The following DOCK5 variants were observed in gnomAD, a reference collection of about 807,000 sequenced individuals.
The protein encoded by DOCK5 is dedicator of cytokinesis protein 5.
A neutral mutation model predicts 251.8 loss-of-function variants in DOCK5; 142 were observed. That is an observed-to-expected ratio of 0.56 (90% confidence interval 0.49 to 0.65). The LOEUF is 0.65. Ranked by LOEUF, DOCK5 falls within the 30% of genes least tolerant of loss-of-function variation. The pLI, the probability that DOCK5 is intolerant of heterozygous loss-of-function variation, is 0.00. For synonymous variants in DOCK5, 842 were observed against 835.5 expected, an observed-to-expected ratio of 1.01 and a Z score of -0.13; for missense variants, 2,111 against 2,312.3, an observed-to-expected ratio of 0.91 and a Z score of 1.79.
chr8:25,200,982 C>G (rs1801867251), intron 1 of DOCK5, among the ~76,000 whole-genome samples: 1 of 152,196 alleles, frequency 6.6e-6, no homozygotes, highest in Non-Finnish European at 1.5e-5. Flanking sequence ...TCTCGGCTCA[C>G]TGCAACCTCC....
chr8:25,189,626 G>A (rs1036890141), intron 1 of DOCK5, among the ~76,000 whole-genome samples: 1 of 152,126 alleles, frequency 6.6e-6, no homozygotes, highest in Admixed American at 6.5e-5. Flanking sequence ...CTCCCAAAGT[G>A]CTGGGATTAC....
intron 48 of DOCK5, among the ~76,000 whole-genome samples, chr8:25,405,494 A>T (rs928100415): frequency 9.2e-5 from 14 of 151,762 alleles, no homozygotes; most frequent in Admixed American, 8.5e-4. Context: ...GTCTGTGGAC[A>T]TTTTTTTTCT....
chr8:25,301,477 T>C (rs965069693), intron 9 of DOCK5, among the ~76,000 whole-genome samples: 6 of 152,228 alleles, frequency 3.9e-5, no homozygotes, highest in African/African-American at 1.4e-4. Context: ...AGCTGTTTCA[T>C]ATAACCAATT....
chr8:25,308,845 A>C lies in DOCK5; in HGVS notation c.1112A>C (p.His371Pro). 6.2e-7 allele frequency: 1 copy of C among 1,613,916 alleles called. No homozygotes were observed. Residue 371 changes from histidine to proline, a missense_variant, in exon 12 of 52, where the codon CAC becomes CCC. Transcript: ENST00000276440. ...ATCATGTCGCCTTTGATAACATCAC[A>C]CGTGATTGGGGAGAATGAGCCACTC... ...QLIMSPLITS[H>P]VIGENEPLTS... is the part of the protein sequence containing the mutation.
intron 32 of DOCK5, 59 bp downstream of exon 32, chr8:25,368,309 A>G (rs1263566019): frequency 1.2e-5 from 18 of 1,463,804 alleles, no homozygotes; most frequent in East Asian, 2.3e-5. Context: ...GCATCCCACG[A>G]TAAAGTCTTT....
intron 34 of DOCK5, among the ~76,000 whole-genome samples, chr8:25,370,502 G>GT (rs11368732): frequency 0.46 from 70,186 of 151,878 alleles, 16,452 homozygotes; most frequent in Middle Eastern, 0.54. Flanking sequence ...ATTACAATTT[G>GT]TTTTTGGTGT....
At chr8:25,197,853 C>A (rs1586220922) in intron 1 of DOCK5, among the ~76,000 whole-genome samples, 2 of 149,136 alleles carry the variant, frequency 1.3e-5, no homozygotes, top group African/African-American at 4.9e-5. Context: ...CTGTTTCACG[C>A]CATTCTCCTG....
chr8:25,199,339 G>A (rs1801821144), intron 1 of DOCK5, among the ~76,000 whole-genome samples: 1 of 151,106 alleles, frequency 6.6e-6, no homozygotes, highest in Non-Finnish European at 1.5e-5. Context: ...AAGTTTGAGT[G>A]AGTAAGCGCC....
chr8:25,263,148 G>A (rs181810492), intron 2 of DOCK5, among the ~76,000 whole-genome samples: 9 of 151,766 alleles, frequency 5.9e-5, no homozygotes, highest in Non-Finnish European at 8.8e-5. Context: ...CTTTTAATAT[G>A]TTGAGACAAA....
chr8:25,238,769 A>G (rs1291925443), intron 1 of DOCK5, among the ~76,000 whole-genome samples: 1 of 152,178 alleles, frequency 6.6e-6, no homozygotes, highest in African/African-American at 2.4e-5. Context: ...GAATTTTTTG[A>G]TGGATTTTAT....
chr8:25,411,213 T>C lies in DOCK5; in HGVS notation c.5528T>C (p.Val1843Ala). ...NSTELAPPLP[V>A]RREAKAPPPP... Reference sequence around the variant, plus strand: ...CTGCAGCTCGCTCCCCCACTGCCTGTCCGAAGAGAAGCCAAAGCACCACCC... The same window carrying C: ...CTGCAGCTCGCTCCCCCACTGCCTGCCCGAAGAGAAGCCAAAGCACCACCC... Residue 1843 changes from valine to alanine, a missense_variant, in exon 52 of 52, where the codon GTC becomes GCC. Around this residue, in one of 3 missense-constraint regions of DOCK5, gnomAD observed 1,717 missense variants for 1,892.4 expected, o/e 0.91. Transcript: ENST00000276440. 1 of 1,591,266 alleles carries C rather than the reference T, an allele frequency of 6.3e-7. No homozygotes were observed. The highest frequency in any genetic ancestry group is 8.5e-7 in the Non-Finnish European group (1 of 1,170,568).
At position 25,392,819 on chromosome 8, in the gene DOCK5, G is replaced by T. The variant is rs748702556; in HGVS notation, c.4464G>T (p.Thr1488=). The T allele has an allele frequency of 5.8e-5, 93 of 1,612,992 alleles. No homozygotes were observed. The highest frequency in any genetic ancestry group is 7.5e-5 in the Non-Finnish European group (88 of 1,179,566). ...EFATMWIERT[T]YTTAYTFPGI... The stretch of plus-strand genomic sequence containing the variant: ...AGACGATGTGGATTGAACGGACCAC[G>T]TATACGACTGCATATACCTTTCCTG... Residue 1488 remains threonine (T), a synonymous_variant, in exon 44 of 52, where the codon ACG becomes ACT. Coordinates refer to ENST00000276440, the MANE Select transcript of DOCK5 (RefSeq NM_024940.8).
At position 25,410,936 on chromosome 8, in the gene DOCK5, A is replaced by AGAGAGAGAGAG. The variant is rs59476898; in HGVS notation, c.5509-258_5509-257insGAGAGAGAGAG. ...GGATATGGCAGCGAGAGAGAGAGAG[A>AGAGAGAGAGAG]AAATGTGTGTGTGTGTGTGTGTGTG... On this transcript the variant is annotated intron_variant, in intron 51 of 51. Coordinates refer to ENST00000276440, the MANE Select transcript of DOCK5 (RefSeq NM_024940.8). Among the ~76,000 whole-genome samples the AGAGAGAGAGAG allele has an allele frequency of 7.9e-3, 867 of 110,116 alleles. 14 individuals carry two copies. Among genetic ancestry groups the AGAGAGAGAGAG allele is most frequent in the African/African-American group, 0.026 (741 of 28,466 alleles). The allele number at this position is 110,116 out of a possible 152,430, so 72.2% of individuals were successfully genotyped here. A position where few individuals can be genotyped will look rare whatever the true frequency, so the allele number is the denominator to read the frequency against.
intron 40 of DOCK5, among the ~76,000 whole-genome samples, chr8:25,384,463 A>ATTTATTTT (rs1400363524): frequency 2.9e-5 from 4 of 135,700 alleles, no homozygotes; most frequent in African/African-American, 1.1e-4. Flanking sequence ...TTATTTATTT[A>ATTTATTTT]TTTTTTTTTT....
chr8:25,342,688 C>CTTTT (rs1805984192), intron 25 of DOCK5, among the ~76,000 whole-genome samples, 181 bp downstream of exon 25: 2 of 114,262 alleles, frequency 1.8e-5, no homozygotes, highest in African/African-American at 6.8e-5. Flanking sequence ...TTTGTTTTTT[C>CTTTT]TTGTTTTTTT....
At chr8:25,371,357 A>C (rs567721139) in intron 34 of DOCK5, among the ~76,000 whole-genome samples, 2 of 152,200 alleles carry the variant, frequency 1.3e-5, no homozygotes, top group Non-Finnish European at 2.9e-5. Context: ...AGTCCCAGCT[A>C]CTTGGGAGGC....
chr8:25,198,815 ACTCTGGAGAGGGGTTTGTTAATCAGAT>A (rs1801799386), intron 1 of DOCK5, among the ~76,000 whole-genome samples: 1 of 152,060 alleles, frequency 6.6e-6, no homozygotes, highest in African/African-American at 2.4e-5. Context: ...CTTACTTACA[ACTCTGGAGAGGGGTTTGTTAATCAGAT>A]CTCCTTAAGG....
Position 25,410,971 on chromosome 8 carries a change from GTGCGCGCGCGCGCA to G in DOCK5, c.5509-222_5509-209del, listed in dbSNP as rs1163007685. On this transcript the variant is annotated intron_variant, in intron 51 of 51. Coordinates refer to ENST00000276440, the MANE Select transcript of DOCK5 (RefSeq NM_024940.8). ...TGTGTGTGTGTGTGTGTGTGTGTGTGTGCGCGCGCGCGCACGCACGCACGCACGCACGCGTGTGT... is the reference window on the plus strand; with the variant it reads ...TGTGTGTGTGTGTGTGTGTGTGTGTGCGCACGCACGCACGCACGCGTGTGT... Among the ~76,000 whole-genome samples the G allele has an allele frequency of 2.2e-4, 4 of 18,480 alleles. No individual in the cohort carries two copies. The East Asian group carries it at 0.018, about 85-fold the overall frequency. 12.1% of individuals were successfully genotyped at this position (18,480 alleles called of 152,430 possible). A position where few individuals can be genotyped will look rare whatever the true frequency, so the allele number is the denominator to read the frequency against.
chr8:25,196,662 C>T (rs941022864), intron 1 of DOCK5, among the ~76,000 whole-genome samples: 2 of 152,158 alleles, frequency 1.3e-5, no homozygotes, highest in African/African-American at 2.4e-5. Flanking sequence ...AGAGACAAAT[C>T]AGTGGGGCTT....
Sources: allele counts gnomAD v4.1 joint callset (sites outside exome capture counted in the v4.1 genomes callset), GRCh38; gene constraint gnomAD v4.1.1; regional missense constraint gnomAD v4.1.1; transcripts MANE v1.5; gene names NCBI Gene and HGNC (gene_info 2026-07-23, HGNC 2026-07-21).